Variants in RIMS1 observed in about 807,000 individuals in gnomAD.
The protein encoded by RIMS1 is regulating synaptic membrane exocytosis protein 1.
RIMS1 carries 83 observed loss-of-function variants against 214.1 expected under a neutral mutation model. The ratio of observed to expected loss-of-function variants is 0.39; its 90% CI spans 0.32 to 0.47. The LOEUF is 0.47. RIMS1 is among the 20% of genes least tolerant of loss of function. RIMS1 has a pLI of 0.99. For synonymous variants in RIMS1, 793 were observed against 786.8 expected (o/e 1.01, Z -0.13); for missense variants, 2,050 against 2,161.8 (o/e 0.95, Z 1.03).
At chr6:72,239,510 CTAAA>C (rs1342033299) in intron 9 of RIMS1, among the ~76,000 whole-genome samples, 1 of 152,112 alleles carries the variant, frequency 6.6e-6, no homozygotes, top group African/African-American at 2.4e-5. Context: ...TAGGAACTGA[CTAAA>C]TATTTGCATT....
chr6:71,948,702 A>C (rs1396623055), intron 1 of RIMS1, among the ~76,000 whole-genome samples: 1 of 152,226 alleles, frequency 6.6e-6, no homozygotes, highest in Non-Finnish European at 1.5e-5. Flanking sequence ...ATAGGCCATA[A>C]TAATTTCATT....
intron 10 of RIMS1, among the ~76,000 whole-genome samples, chr6:72,244,445 A>G (rs897605818): frequency 1.3e-5 from 2 of 151,874 alleles, no homozygotes; most frequent in African/African-American, 4.8e-5. Flanking sequence ...GTAAATTCCA[A>G]AGTTTGTACC....
chr6:72,083,296 T>C (rs1376818492), intron 2 of RIMS1, among the ~76,000 whole-genome samples: 1 of 152,220 alleles, frequency 6.6e-6, no homozygotes, highest in African/African-American at 2.4e-5. Context: ...GATAATACTC[T>C]TTTTATAAAT....
intron 23 of RIMS1, among the ~76,000 whole-genome samples, chr6:72,276,420 C>G (rs1453613627): frequency 2.0e-5 from 3 of 151,954 alleles, no homozygotes; most frequent in Non-Finnish European, 4.4e-5. Context: ...ACTTTCAGTT[C>G]TTACATACAC....
chr6:72,098,199 T>G (rs1329469933), intron 3 of RIMS1, among the ~76,000 whole-genome samples: 2 of 152,198 alleles, frequency 1.3e-5, no homozygotes. Flanking sequence ...CCAATCAACA[T>G]TATATTCTTT....
chr6:72,268,719 G>A (rs1351725615), intron 22 of RIMS1, among the ~76,000 whole-genome samples: 1 of 152,098 alleles, frequency 6.6e-6, no homozygotes, highest in Non-Finnish European at 1.5e-5. Context: ...CATGTAAAAA[G>A]CAGTTTGGAA....
At chr6:72,034,819 A>G (rs187187536) in intron 2 of RIMS1, among the ~76,000 whole-genome samples, 44 of 152,290 alleles carry the variant, frequency 2.9e-4, no homozygotes, top group Non-Finnish European at 1.5e-5. Context: ...GATGTTATAC[A>G]GGTATGTAAA....
chr6:72,189,028 C>T (rs1329596515), intron 6 of RIMS1, among the ~76,000 whole-genome samples: 1 of 152,158 alleles, frequency 6.6e-6, no homozygotes, highest in Non-Finnish European at 1.5e-5. Context: ...GAACTAAGAC[C>T]TTTAGACCAG....
In RIMS1 at chr6:72,401,627, C is replaced by T. The variant is rs934531481; in HGVS notation, c.*913C>T. On this transcript the variant is annotated 3_prime_UTR_variant, in exon 34 of 34. Transcript: ENST00000521978. ...ACTTTGAAAACACTCCTTGTAATGC[C>T]TTTTTCTTCCTGATATTAAAAAAAT... The T allele has an allele frequency of 1.3e-5, 2 of 152,548 alleles. No homozygotes were observed. The highest frequency in any genetic ancestry group is 4.1e-4 in the South Asian group (2 of 4,822). 9.4% of individuals were successfully genotyped at this position (152,548 alleles called of 1,614,324 possible).
intron 1 of RIMS1, among the ~76,000 whole-genome samples, chr6:71,944,606 C>T (rs879684425): frequency 6.6e-6 from 1 of 151,958 alleles, no homozygotes; most frequent in Non-Finnish European, 1.5e-5. Context: ...GTAGTGAGAC[C>T]ATTGAGAAGT....
Position 72,392,716 on chromosome 6 carries a change from G to A in RIMS1, c.4524G>A (p.Val1508=), listed in dbSNP as rs768744035. 4 of 1,612,176 alleles carry A rather than the reference G, an allele frequency of 2.5e-6. No homozygotes were observed. The South Asian group carries it at 3.3e-5, about 13-fold the overall frequency. The change falls in exon 31 of 34, where the codon GTG becomes GTA. Residue 1508 remains valine (V), a synonymous_variant. Coordinates refer to ENST00000521978, the MANE Select transcript of RIMS1 (RefSeq NM_014989.7). ...SSEGNLIFPG[V]RLGADSQFSD... ...CTGATAGTTTAATATTTCCTGGAGTGCGACTGGGAGCTGACAGTCAATTCA... is the reference window on the plus strand; with the variant it reads ...CTGATAGTTTAATATTTCCTGGAGTACGACTGGGAGCTGACAGTCAATTCA...
chr6:72,123,901 A>C (rs1345139399), intron 4 of RIMS1, among the ~76,000 whole-genome samples: 1 of 151,826 alleles, frequency 6.6e-6, no homozygotes, highest in Non-Finnish European at 1.5e-5. Flanking sequence ...AATACAGCAC[A>C]CTGATGGGTC....
intron 4 of RIMS1, among the ~76,000 whole-genome samples, chr6:72,175,651 C>A (rs1199054752): frequency 6.8e-6 from 1 of 147,818 alleles, no homozygotes; most frequent in Non-Finnish European, 1.5e-5. Flanking sequence ...CCAGCCTGGG[C>A]AACAGGAGCA....
chr6:72,242,122 A>G (rs143112062), intron 9 of RIMS1, among the ~76,000 whole-genome samples, 192 bp from the exon 10 acceptor site: 12 of 152,248 alleles, frequency 7.9e-5, no homozygotes, highest in African/African-American at 2.9e-4. Flanking sequence ...AAAGAAAAAC[A>G]AAAGAAAAGA....
rs559182635 is a variant in RIMS1 at position 72,226,070 on chromosome 6, T to C, written c.1679-7703T>C. ...TACAGATAATACAGTATGGTCTAGA[T>C]TTCTTGAAGACCATGACCACATTCT... On this transcript the variant is annotated intron_variant, in intron 6 of 33. Transcript: ENST00000521978. Among the ~76,000 whole-genome samples the C allele has an allele frequency of 1.9e-3, 282 of 152,274 alleles. 2 individuals carry two copies. Among genetic ancestry groups the C allele is most frequent in the African/African-American group, 6.3e-3 (261 of 41,576 alleles).
intron 1 of RIMS1, among the ~76,000 whole-genome samples, chr6:71,959,974 C>T (rs73748997): frequency 0.011 from 1,633 of 152,164 alleles, 23 homozygotes; most frequent in African/African-American, 0.037. Flanking sequence ...GGATTCGGAG[C>T]ATGGTTCCAG....
chr6:71,904,744 G>A (rs1444263551), intron 1 of RIMS1, among the ~76,000 whole-genome samples: 1 of 152,116 alleles, frequency 6.6e-6, no homozygotes, highest in African/African-American at 2.4e-5. Flanking sequence ...TGACAAAATG[G>A]AATATATAAG....
intron 1 of RIMS1, among the ~76,000 whole-genome samples, chr6:71,933,797 C>G (rs964800872): frequency 2.0e-5 from 3 of 151,976 alleles, no homozygotes; most frequent in African/African-American, 4.8e-5. Flanking sequence ...TCCATTCTAA[C>G]ACAGTCGTTC....
chr6:72,361,188 A>G (rs891402560), intron 29 of RIMS1, among the ~76,000 whole-genome samples: 5 of 138,220 alleles, frequency 3.6e-5, no homozygotes, highest in African/African-American at 5.5e-5. Context: ...GCTCACTGCA[A>G]CCACCGTCTC....
Sources: allele counts gnomAD v4.1 joint callset (sites outside exome capture counted in the v4.1 genomes callset), GRCh38; gene constraint gnomAD v4.1.1; transcripts MANE v1.5; gene names NCBI Gene and HGNC (gene_info 2026-07-23, HGNC 2026-07-21).